The following ZNG1A variants were observed in gnomAD, a reference collection of about 807,000 sequenced individuals.
ZNG1A encodes zinc-regulated GTPase metalloprotein activator 1A.
At chr9:127,868 T>C in the ZNG1A span, among the ~76,000 whole-genome samples, 1 of 152,282 alleles carries the variant, frequency 6.6e-6, no homozygotes, top group Non-Finnish European at 1.5e-5. Context: ...GAGTTCCTTT[T>C]AGCATTCTTG....
chr9:153,735 A>G, the ZNG1A span: 2 of 150,610 alleles, frequency 1.3e-5, no homozygotes, highest in African/African-American at 2.4e-5. Flanking sequence ...ATCATTAATC[A>G]TGGCAAATAA....
At chr9:147,558 T>C in the ZNG1A span, 6 of 137,410 alleles carry the variant, frequency 4.4e-5, no homozygotes, top group East Asian at 7.9e-4. Context: ...TCTATGTTAG[T>C]AGACTATAAC....
chr9:152,724 A>T, the ZNG1A span, among the ~76,000 whole-genome samples: 2 of 150,674 alleles, frequency 1.3e-5, no homozygotes, highest in African/African-American at 4.9e-5. Flanking sequence ...TGTACACCTC[A>T]TCTATTTATC....
At chr9:169,318 T>C in the ZNG1A span, among the ~76,000 whole-genome samples, 1 of 147,264 alleles carries the variant, frequency 6.8e-6, no homozygotes, top group East Asian at 2.0e-4. Flanking sequence ...TCTGAAGATG[T>C]GACTCAATTC....
chr9:121,516 G>T, the ZNG1A span: 1 of 1,611,302 alleles, frequency 6.2e-7, no homozygotes, highest in African/African-American at 1.3e-5. Context: ...CTGCTTTTCT[G>T]TTTCTGTCAC....
the ZNG1A span, among the ~76,000 whole-genome samples, chr9:144,141 AT>A: frequency 1.4e-5 from 1 of 74,012 alleles, no homozygotes; most frequent in Admixed American, 1.5e-4. Flanking sequence ...TACAGATTCA[AT>A]GCCATCCCCA....
the ZNG1A span, chr9:121,550 G>A: frequency 3.1e-6 from 5 of 1,609,554 alleles, no homozygotes; most frequent in South Asian, 5.5e-5. Context: ...AGCTGTTTAA[G>A]GATATCCTTA....
the ZNG1A span, among the ~76,000 whole-genome samples, chr9:126,688 G>GTT: frequency 6.6e-6 from 1 of 151,230 alleles, no homozygotes; most frequent in African/African-American, 2.4e-5. Flanking sequence ...GATTTTTTTT[G>GTT]TTGTTTTGTT....
the ZNG1A span, among the ~76,000 whole-genome samples, chr9:124,037 G>C: frequency 1.3e-5 from 2 of 152,198 alleles, no homozygotes; most frequent in African/African-American, 2.4e-5. Flanking sequence ...CATGTGCCAA[G>C]AGGAGAAGAG....
chr9:156,283 C>T, the ZNG1A span, among the ~76,000 whole-genome samples: 49 of 150,632 alleles, frequency 3.3e-4, no homozygotes, highest in East Asian at 8.7e-3. Flanking sequence ...CTTTATGCTA[C>T]GACAAAAATG....
chr9:171,395 A>T, the ZNG1A span, among the ~76,000 whole-genome samples: 1 of 152,194 alleles, frequency 6.6e-6, no homozygotes, highest in Non-Finnish European at 1.5e-5. Context: ...TTTTATGCAA[A>T]ATGAAAATAA....
At chr9:149,984 T>C in the ZNG1A span, 1 of 150,900 alleles carries the variant, frequency 6.6e-6, no homozygotes, top group Non-Finnish European at 1.5e-5. Context: ...AAGGTGAGCC[T>C]TTTTCTACAC....
At chr9:161,855 A>G in the ZNG1A span, among the ~76,000 whole-genome samples, 1 of 151,794 alleles carries the variant, frequency 6.6e-6, no homozygotes, top group African/African-American at 2.4e-5. Context: ...TTTAATGGAG[A>G]GGGTCTTCTT....
chr9:145,041 G>A, the ZNG1A span, among the ~76,000 whole-genome samples: 1 of 147,248 alleles, frequency 6.8e-6, no homozygotes, highest in South Asian at 2.2e-4. Flanking sequence ...AAAAAGTCAG[G>A]AAACAACAGG....
the ZNG1A span, among the ~76,000 whole-genome samples, chr9:156,269 T>C: frequency 6.6e-6 from 1 of 151,244 alleles, no homozygotes; most frequent in East Asian, 1.9e-4. Context: ...GTGTTCAGCA[T>C]TCACTTTATG....
At chr9:122,494 T>G in the ZNG1A span, 5 of 1,062,508 alleles carry the variant, frequency 4.7e-6, no homozygotes, top group Non-Finnish European at 5.7e-6. Context: ...AGTTTGGTTA[T>G]ATTAAATAAT....
At chr9:156,136 A>T in the ZNG1A span, among the ~76,000 whole-genome samples, 1 of 88,712 alleles carries the variant, frequency 1.1e-5, no homozygotes, top group East Asian at 3.2e-4. Flanking sequence ...AAAAATAATA[A>T]TTATTATTAT....
chr9:177,866 G>A, the ZNG1A span: 16 of 1,422,732 alleles, frequency 1.1e-5, no homozygotes, highest in Non-Finnish European at 1.3e-5. Flanking sequence ...AATTACTTCC[G>A]AGCAAAAAAC....
At chr9:168,332 C>T in the ZNG1A span, among the ~76,000 whole-genome samples, 1 of 151,922 alleles carries the variant, frequency 6.6e-6, no homozygotes, top group African/African-American at 2.4e-5. Context: ...AGCTCACTGC[C>T]ACCTCCGTCT....
Sources: gnomAD v4.1 joint callset for allele counts (sites outside exome capture counted in the v4.1 genomes callset) on GRCh38, gnomAD v4.1.1 for gene constraint, MANE v1.5 for transcripts, NCBI Gene and HGNC (gene_info 2026-07-23, HGNC 2026-07-21) for gene names.